The following DLG5 variants were observed in gnomAD, a reference collection of about 807,000 sequenced individuals.
DLG5 encodes discs large MAGUK scaffold protein 5.
Under a neutral mutation model 189.8 loss-of-function variants are expected in DLG5, and 48 were observed. The observed-to-expected ratio is 0.25, with a 90% confidence interval of 0.20 to 0.32. The LOEUF (loss-of-function observed/expected upper bound fraction) is 0.32. Among genes scored for constraint, DLG5 ranks in the 10% least tolerant of loss-of-function variants. The pLI is 1.00. For synonymous variants in DLG5, 1,016 were observed against 1,054.1 expected (o/e 0.96, Z 0.70); for missense variants, 2,160 against 2,544.7 (o/e 0.85, Z 3.25).
At chr10:77,817,602 T>TATGGCTCTGACA in intron 18 of DLG5, among the ~76,000 whole-genome samples, 175 bp downstream of exon 18, 1 of 152,346 alleles carries the variant, frequency 6.6e-6, no homozygotes, top group Non-Finnish European at 1.5e-5. Context: ...GACAGCAGCA[T>TATGGCTCTGACA]GGGCATGGCT....
At chr10:77,795,272 G>A (rs1211209868) in intron 29 of DLG5, among the ~76,000 whole-genome samples, 1 of 152,168 alleles carries the variant, frequency 6.6e-6, no homozygotes, top group Non-Finnish European at 1.5e-5. Context: ...GGCCTCTGAA[G>A]CCTTATTTTT....
At position 77,856,707 on chromosome 10, in the gene DLG5, AGGGGAGAC is replaced by A; in HGVS notation, c.536+15_536+22del. 6.2e-7 allele frequency: 1 copy of A among 1,608,322 alleles called. No homozygotes were observed. The highest frequency in any genetic ancestry group is 8.5e-7 in the Non-Finnish European group (1 of 1,176,368). ...GTAATCCCAACCATGGGGCCTGGGC[AGGGGAGAC>A]GGCGCAATTACTACCTCTTGTCAAA... is the stretch of plus-strand genomic sequence containing the variant. On this transcript the variant is annotated intron_variant, in intron 3 of 31. Coordinates refer to ENST00000372391, the MANE Select transcript of DLG5 (RefSeq NM_004747.4).
intron 15 of DLG5, 152 bp downstream of exon 15, chr10:77,820,930 G>A (rs1842313679): frequency 5.1e-6 from 5 of 982,094 alleles, no homozygotes; most frequent in African/African-American, 1.6e-5. Context: ...CCTCCTAGCT[G>A]GGCCACTTCC....
At chr10:77,910,514 A>G (rs1233521400) in intron 1 of DLG5, among the ~76,000 whole-genome samples, 1 of 152,210 alleles carries the variant, frequency 6.6e-6, no homozygotes, top group African/African-American at 2.4e-5. Flanking sequence ...AGGAAAAACT[A>G]GCCACGGATC....
At chr10:77,798,373 G>T (rs12356063) in intron 27 of DLG5, among the ~76,000 whole-genome samples, 1 of 151,796 alleles carries the variant, frequency 6.6e-6, no homozygotes, top group East Asian at 1.9e-4. Flanking sequence ...AGGAGTCACG[G>T]GGCAAAGAAC....
intron 6 of DLG5, among the ~76,000 whole-genome samples, chr10:77,842,556 G>A (rs1008735782): frequency 2.8e-4 from 42 of 152,256 alleles, no homozygotes; most frequent in African/African-American, 9.6e-4. Context: ...TAGTCAAACC[G>A]CCTCATTTCA....
Position 77,792,382 on chromosome 10 carries a change from G to C in DLG5, c.*58C>G. 1 of 1,488,334 alleles carries C rather than the reference G, an allele frequency of 6.7e-7. No individual in the cohort carries two copies. The highest frequency in any genetic ancestry group is 9.4e-7 in the Non-Finnish European group (1 of 1,065,696). 92.2% of individuals were successfully genotyped at this position (1,488,334 alleles called of 1,614,324 possible). On this transcript the variant is annotated 3_prime_UTR_variant, in exon 32 of 32. Coordinates refer to ENST00000372391, the MANE Select transcript of DLG5 (RefSeq NM_004747.4). ...TTCTACTTTCAGTCGCTAGAAAAGA[G>C]CTGAGTCTGGTGTCCCCTCAGGCGG...
intron 1 of DLG5, among the ~76,000 whole-genome samples, chr10:77,924,607 C>T (rs1237423215): frequency 6.6e-6 from 1 of 152,126 alleles, no homozygotes; most frequent in Non-Finnish European, 1.5e-5. Flanking sequence ...AAAAAAATTA[C>T]TTTGTTGAGA....
At chr10:77,938,959 G>A in the DLG5 span, among the ~76,000 whole-genome samples, 2 of 152,290 alleles carry the variant, frequency 1.3e-5, no homozygotes, top group African/African-American at 4.8e-5. Flanking sequence ...AAGGTGGGCG[G>A]ATCTCCTGAG....
At chr10:77,816,935 C>G in intron 19 of DLG5, 72 bp downstream of exon 19, 10 of 1,533,246 alleles carry the variant, frequency 6.5e-6, no homozygotes, top group Non-Finnish European at 9.0e-6. Flanking sequence ...CTCAGCTAAG[C>G]CCAGAGACTC....
At chr10:77,845,944 A>AAT (rs1406727586) in intron 5 of DLG5, among the ~76,000 whole-genome samples, 1 of 150,678 alleles carries the variant, frequency 6.6e-6, no homozygotes, top group Non-Finnish European at 1.5e-5. Context: ...TAAAAAAAAA[A>AAT]AAAAAAAAAA....
rs536676101 is a variant in DLG5, at chr10:77,868,615, C to T, written c.373+514G>A. On this transcript the variant is annotated intron_variant, in intron 2 of 31. Coordinates refer to ENST00000372391, the MANE Select transcript of DLG5 (RefSeq NM_004747.4). Reference sequence around the variant, plus strand: ...GCCATGAGAAACCCCACTAGAGGTGCTAAACAGAGGGAATGGGTCACAGAG... The same window carrying T: ...GCCATGAGAAACCCCACTAGAGGTGTTAAACAGAGGGAATGGGTCACAGAG... 8.5e-5 allele frequency: 19 copies of T among 224,144 alleles called. No homozygotes were observed. The South Asian group carries it at 1.2e-3, about 14-fold the overall frequency. The allele number at this position is 224,144 out of a possible 1,614,324, so 13.9% of individuals were successfully genotyped here. A position where few individuals can be genotyped will look rare whatever the true frequency, so the allele number is the denominator to read the frequency against.
chr10:77,917,653 A>G (rs911746422), intron 1 of DLG5, among the ~76,000 whole-genome samples: 1 of 152,230 alleles, frequency 6.6e-6, no homozygotes, highest in African/African-American at 2.4e-5. Context: ...GTTATTATTC[A>G]ATAGGTACAG....
rs1840634509 is a variant in DLG5 at position 77,791,337 on chromosome 10, G to C, written c.*1103C>G. The stretch of plus-strand genomic sequence containing the variant: ...CTTCAGCCAGACATATCTAGCCTCA[G>C]AAGTGCAAAAAAAAAAAAAGCCCCC... On this transcript the variant is annotated 3_prime_UTR_variant, in exon 32 of 32. Coordinates refer to ENST00000372391, the MANE Select transcript of DLG5 (RefSeq NM_004747.4). 1 of 147,470 alleles carries C rather than the reference G, an allele frequency of 6.8e-6. No homozygotes were observed. The highest frequency in any genetic ancestry group is 2.5e-5 in the African/African-American group (1 of 39,572). 9.1% of individuals were successfully genotyped at this position (147,470 alleles called of 1,614,324 possible).
chr10:77,861,469 G>T (rs373584400), intron 2 of DLG5, among the ~76,000 whole-genome samples: 4 of 152,306 alleles, frequency 2.6e-5, no homozygotes, highest in South Asian at 4.1e-4. Context: ...AGAGAGGAGA[G>T]GAGGCGGCAG....
In DLG5 at chr10:77,826,861, T is replaced by G. The variant is rs1444267668; in HGVS notation, c.2289+2021A>C. ...TACTTGGGAGGCTGAAGCAGGATAG[T>G]TACTTGAACCTGGGAGGCGGAGGCT... is the stretch of plus-strand genomic sequence containing the variant. On this transcript the variant is annotated intron_variant, in intron 13 of 31. Coordinates refer to ENST00000372391, the MANE Select transcript of DLG5 (RefSeq NM_004747.4). Among the ~76,000 whole-genome samples, 6 of 151,742 alleles carry G rather than the reference T, an allele frequency of 4.0e-5. No homozygotes were observed. In the East Asian group the frequency reaches 1.2e-3, roughly 30 times the overall value.
At chr10:77,834,839 G>A (rs541858612) in intron 8 of DLG5, among the ~76,000 whole-genome samples, 1 of 152,150 alleles carries the variant, frequency 6.6e-6, no homozygotes, top group South Asian at 2.1e-4. Flanking sequence ...CTTGCACTGG[G>A]CACCTAACTG....
chr10:77,937,780 A>G, the DLG5 span, among the ~76,000 whole-genome samples: 1 of 141,040 alleles, frequency 7.1e-6, no homozygotes, highest in Non-Finnish European at 1.5e-5. Context: ...GTGCAATGGC[A>G]TGATCTTGGC....
chr10:77,842,302 A>T, intron 6 of DLG5, 109 bp from the exon 7 acceptor site: 1 of 1,334,556 alleles, frequency 7.5e-7, no homozygotes, highest in Non-Finnish European at 1.0e-6. Context: ...GTCAAGCGTG[A>T]AGTTTCAAGT....
Sources: allele counts gnomAD v4.1 joint callset (sites outside exome capture counted in the v4.1 genomes callset), GRCh38; gene constraint gnomAD v4.1.1; transcripts MANE v1.5; gene names NCBI Gene and HGNC (gene_info 2026-07-23, HGNC 2026-07-21).